Variants in HS6ST3 observed in about 807,000 individuals in gnomAD.
HS6ST3 encodes heparan-sulfate 6-O-sulfotransferase 3.
Under a neutral mutation model 36.7 loss-of-function variants are expected in HS6ST3, and 12 were observed. The observed-to-expected ratio is 0.33, with a 90% CI of 0.21 to 0.53. The LOEUF is 0.53. Ranked by LOEUF, HS6ST3 falls within the 20% of genes least tolerant of loss-of-function variation. HS6ST3 has a pLI of 0.95. For synonymous variants in HS6ST3, 240 were observed against 257.5 expected (o/e 0.93, Z 0.65); for missense variants, 584 against 640.9 (o/e 0.91, Z 0.96).
At chr13:96,434,926 G>C (rs2055634096) in intron 1 of HS6ST3, among the ~76,000 whole-genome samples, 1 of 151,860 alleles carries the variant, frequency 6.6e-6, no homozygotes, top group African/African-American at 2.4e-5. Flanking sequence ...AATAATACTG[G>C]TTGCCCCTAT....
At chr13:96,583,070 T>G (rs2056347496) in intron 1 of HS6ST3, among the ~76,000 whole-genome samples, 1 of 152,100 alleles carries the variant, frequency 6.6e-6, no homozygotes, top group African/African-American at 2.4e-5. Flanking sequence ...ATAGTCTTCT[T>G]ACTTGCCCCT....
Position 96,813,154 on chromosome 13 carries a change from C to CCTA in HS6ST3, c.708-19335_708-19333dup, listed in dbSNP as rs1258817604. On this transcript the variant is annotated intron_variant, in intron 1 of 1. Transcript: ENST00000376705. ...CAATTTACTTTCAGAAGGATAGCAGCCTAAGTAGAGGTTTACAAAGCCCAC... is the reference window on the plus strand; with the variant it reads ...CAATTTACTTTCAGAAGGATAGCAGCCTACTAAGTAGAGGTTTACAAAGCCCAC... 4.6e-5 allele frequency among the ~76,000 whole-genome samples: 7 copies of CCTA among 152,080 alleles called. No individual in the cohort carries two copies. The East Asian group carries it at 1.3e-3, about 29-fold the overall frequency.
intron 1 of HS6ST3, among the ~76,000 whole-genome samples, chr13:96,242,082 G>C (rs1237298656): frequency 1.3e-5 from 2 of 151,676 alleles, no homozygotes; most frequent in Non-Finnish European, 2.9e-5. Context: ...ACCGCGCCTG[G>C]CCTGATGTAA....
chr13:96,768,962 G>T (rs556265887), intron 1 of HS6ST3, among the ~76,000 whole-genome samples: 4 of 152,058 alleles, frequency 2.6e-5, no homozygotes, highest in Non-Finnish European at 5.9e-5. Flanking sequence ...GGAAAGACCC[G>T]ATCATTGTTC....
At chr13:96,712,651 C>G in intron 1 of HS6ST3, among the ~76,000 whole-genome samples, 1 of 152,170 alleles carries the variant, frequency 6.6e-6, no homozygotes, top group East Asian at 1.9e-4. Flanking sequence ...CAAGGTGACT[C>G]AATTTCATAT....
intron 1 of HS6ST3, among the ~76,000 whole-genome samples, chr13:96,553,718 G>A (rs886110157): frequency 6.6e-6 from 1 of 152,218 alleles, no homozygotes; most frequent in Non-Finnish European, 1.5e-5. Context: ...GAAGCTTCAG[G>A]TGGTAGTTCC....
At chr13:96,490,181 G>C (rs570331176) in intron 1 of HS6ST3, among the ~76,000 whole-genome samples, 1 of 152,022 alleles carries the variant, frequency 6.6e-6, no homozygotes, top group Non-Finnish European at 1.5e-5. Context: ...TTTTGGATTC[G>C]GCAGCAGCTG....
intron 1 of HS6ST3, among the ~76,000 whole-genome samples, chr13:96,699,923 G>T (rs1741370474): frequency 6.6e-6 from 1 of 152,174 alleles, no homozygotes; most frequent in Non-Finnish European, 1.5e-5. Flanking sequence ...CTGAATCAGT[G>T]CTAAATAGTG....
At chr13:96,653,077 T>TA (rs2056613081) in intron 1 of HS6ST3, among the ~76,000 whole-genome samples, 1 of 152,086 alleles carries the variant, frequency 6.6e-6, no homozygotes, top group African/African-American at 2.4e-5. Context: ...GCTAAACTCT[T>TA]TTCTGAGGTG....
intron 1 of HS6ST3, among the ~76,000 whole-genome samples, chr13:96,460,899 A>T (rs532067388): frequency 1.3e-5 from 2 of 152,202 alleles, no homozygotes; most frequent in African/African-American, 4.8e-5. Flanking sequence ...TGGGAGCTGG[A>T]CATCTATTGC....
At chr13:96,252,735 T>A (rs1481383474) in intron 1 of HS6ST3, among the ~76,000 whole-genome samples, 1 of 152,116 alleles carries the variant, frequency 6.6e-6, no homozygotes, top group African/African-American at 2.4e-5. Context: ...GTTTGGGTCA[T>A]GGGGATGGAT....
intron 1 of HS6ST3, among the ~76,000 whole-genome samples, chr13:96,775,362 GC>G (rs1444272687): frequency 6.6e-6 from 1 of 152,032 alleles, no homozygotes; most frequent in Non-Finnish European, 1.5e-5. Flanking sequence ...CAGGTTAAAT[GC>G]CTCAAGTAAA....
At chr13:96,535,821 G>A (rs2056153186) in intron 1 of HS6ST3, among the ~76,000 whole-genome samples, 1 of 152,166 alleles carries the variant, frequency 6.6e-6, no homozygotes, top group Non-Finnish European at 1.5e-5. Flanking sequence ...GCCAGACAGT[G>A]AGAAGCACAT....
intron 1 of HS6ST3, among the ~76,000 whole-genome samples, chr13:96,441,034 G>T (rs1314855323): frequency 3.3e-5 from 5 of 152,114 alleles, no homozygotes; most frequent in Non-Finnish European, 5.9e-5. Flanking sequence ...ATTGGGATTA[G>T]CAGCCTTATA....
chr13:96,796,128 AATTTATGCAGC>A (rs1877901765), intron 1 of HS6ST3, among the ~76,000 whole-genome samples: 1 of 152,126 alleles, frequency 6.6e-6, no homozygotes, highest in South Asian at 2.1e-4. Flanking sequence ...AGCAGTATCT[AATTTATGCAGC>A]ATTTATGCAG....
intron 1 of HS6ST3, among the ~76,000 whole-genome samples, chr13:96,474,572 A>G (rs1356179506): frequency 1.3e-5 from 2 of 151,584 alleles, no homozygotes; most frequent in African/African-American, 2.4e-5. Flanking sequence ...TGCAAACAAA[A>G]TATAGCATTT....
chr13:96,112,417 A>T (rs1227270100), intron 1 of HS6ST3, among the ~76,000 whole-genome samples: 1 of 151,406 alleles, frequency 6.6e-6, no homozygotes, highest in East Asian at 1.9e-4. Context: ...AAGGGAAAAC[A>T]TGAAAGATTT....
chr13:96,635,722 G>A (rs890218500), intron 1 of HS6ST3, among the ~76,000 whole-genome samples: 1 of 152,092 alleles, frequency 6.6e-6, no homozygotes, highest in Non-Finnish European at 1.5e-5. Context: ...CACATAATAG[G>A]TAGACAACAA....
At chr13:96,635,542 C>T (rs1353795182) in intron 1 of HS6ST3, among the ~76,000 whole-genome samples, 3 of 152,306 alleles carry the variant, frequency 2.0e-5, no homozygotes, top group Middle Eastern at 3.4e-3. Context: ...ACCAGGGTTA[C>T]ATACCCATCT....
Sources: gnomAD v4.1 joint callset for allele counts (sites outside exome capture counted in the v4.1 genomes callset) on GRCh38, gnomAD v4.1.1 for gene constraint, MANE v1.5 for transcripts, NCBI Gene and HGNC (gene_info 2026-07-23, HGNC 2026-07-21) for gene names.